The following SEMA3D variants were observed in gnomAD, a reference collection of about 807,000 sequenced individuals.
SEMA3D encodes the protein semaphorin 3D.
A neutral mutation model predicts 100.1 loss-of-function variants in SEMA3D; 84 were observed. The ratio of observed to expected loss-of-function variants is 0.84; its 90% CI spans 0.70 to 1.01. SEMA3D has a LOEUF of 1.01. SEMA3D is among the 50% of genes least tolerant of loss of function. SEMA3D has a pLI of 0.00. For synonymous variants in SEMA3D, 312 were observed against 320.7 expected, an observed-to-expected ratio of 0.97 and a Z score of 0.29; for missense variants, 875 against 934.1, an observed-to-expected ratio of 0.94 and a Z score of 0.82.
At chr7:85,082,826 T>A (rs1788104115) in intron 4 of SEMA3D, among the ~76,000 whole-genome samples, 1 of 152,192 alleles carries the variant, frequency 6.6e-6, no homozygotes, top group Non-Finnish European at 1.5e-5. Flanking sequence ...TTAGAGAAGA[T>A]CTTAACATTC....
At chr7:85,205,869 G>A in the SEMA3D span, among the ~76,000 whole-genome samples, 1 of 152,010 alleles carries the variant, frequency 6.6e-6, no homozygotes, top group African/African-American at 2.4e-5. Flanking sequence ...ACTGTCTCAG[G>A]CTTGTCTCAG....
At chr7:85,041,996 T>C in intron 10 of SEMA3D, 175 bp downstream of exon 10, 1 of 595,610 alleles carries the variant, frequency 1.7e-6, no homozygotes, top group Non-Finnish European at 3.0e-6. Flanking sequence ...TTATGACGTG[T>C]GCCCAGACCT....
At chr7:85,142,152 T>C in intron 2 of SEMA3D, 1 of 984,930 alleles carries the variant, frequency 1.0e-6, no homozygotes. Flanking sequence ...TCAACATTGC[T>C]GAAAAGGACA....
chr7:85,057,593 G>A (rs540171524), intron 8 of SEMA3D, among the ~76,000 whole-genome samples: 27 of 152,106 alleles, frequency 1.8e-4, no homozygotes, highest in Non-Finnish European at 3.4e-4. Flanking sequence ...TACAGCAATT[G>A]GCCAATATCC....
At chr7:85,048,114 C>T (rs1791060445) in intron 9 of SEMA3D, among the ~76,000 whole-genome samples, 1 of 151,780 alleles carries the variant, frequency 6.6e-6, no homozygotes, top group Non-Finnish European at 1.5e-5. Context: ...TTTCTGTTGG[C>T]CATTTTTACA....
the SEMA3D span, among the ~76,000 whole-genome samples, chr7:85,242,039 A>G: frequency 6.8e-6 from 1 of 147,172 alleles, no homozygotes; most frequent in African/African-American, 2.5e-5. Flanking sequence ...GAGCTACCAT[A>G]AAAAAAAAAG....
intron 3 of SEMA3D, among the ~76,000 whole-genome samples, chr7:85,114,486 G>A (rs1347069925): frequency 6.6e-6 from 1 of 152,084 alleles, no homozygotes; most frequent in Non-Finnish European, 1.5e-5. Context: ...CTTAACAAAG[G>A]TGACTACTCT....
At chr7:85,076,941 A>C (rs1371201848) in intron 5 of SEMA3D, among the ~76,000 whole-genome samples, 1 of 152,058 alleles carries the variant, frequency 6.6e-6, no homozygotes, top group Non-Finnish European at 1.5e-5. Context: ...AAATACAAAA[A>C]TACAAAGAAA....
At chr7:85,194,159 T>A in the SEMA3D span, among the ~76,000 whole-genome samples, 30 of 152,146 alleles carry the variant, frequency 2.0e-4, no homozygotes, top group Non-Finnish European at 1.5e-5. Flanking sequence ...ACAAAGATAG[T>A]TTTATTTCTT....
intron 7 of SEMA3D, 125 bp from the exon 8 acceptor site, chr7:85,065,677 A>C: frequency 1.4e-6 from 1 of 705,660 alleles, no homozygotes; most frequent in Non-Finnish European, 2.2e-6. Flanking sequence ...GTATTGTTTC[A>C]TAAATTTCAC....
Position 85,097,952 on chromosome 7 carries a change from T to G in SEMA3D, c.165A>C (p.Ser55=), listed in dbSNP as rs145698584. The G allele has an allele frequency of 6.4e-7, 1 of 1,562,946 alleles. No individual in the cohort carries two copies. The highest frequency in any genetic ancestry group is 8.7e-7 in the Non-Finnish European group (1 of 1,152,750). ...LKLTYKDLLL[S]NSCIPFLGSS... is the part of the protein sequence containing the mutation. ...AACCCAAAAAGGGAATACAGCTATT[T>G]GAAAGCAGCAAGTCTATGGAAAGCA... Residue 55 remains serine, a synonymous_variant, in exon 4 of 19, where the codon TCA becomes TCC. Coordinates refer to ENST00000284136, the MANE Select transcript of SEMA3D (RefSeq NM_001384900.1).
intron 3 of SEMA3D, among the ~76,000 whole-genome samples, chr7:85,099,802 C>T (rs1788687410): frequency 6.6e-6 from 1 of 151,910 alleles, no homozygotes; most frequent in African/African-American, 2.4e-5. Context: ...TTTTCATACG[C>T]TTATTTGCCA....
chr7:85,046,885 T>C (rs1025445984), intron 9 of SEMA3D, among the ~76,000 whole-genome samples: 1 of 152,018 alleles, frequency 6.6e-6, no homozygotes, highest in African/African-American at 2.4e-5. Flanking sequence ...ACGAACACAA[T>C]AGATTTATCA....
intron 2 of SEMA3D, among the ~76,000 whole-genome samples, chr7:85,149,568 T>A (rs1277045929): frequency 6.6e-6 from 1 of 152,186 alleles, no homozygotes; most frequent in Non-Finnish European, 1.5e-5. Context: ...ACATCAAATT[T>A]TCAGTCACAG....
intron 1 of SEMA3D, among the ~76,000 whole-genome samples, chr7:85,179,468 A>T (rs916156235): frequency 4.6e-5 from 7 of 152,108 alleles, no homozygotes; most frequent in Admixed American, 1.3e-4. Flanking sequence ...AGGTTTAATG[A>T]CTACTTTATT....
the SEMA3D span, among the ~76,000 whole-genome samples, chr7:85,194,595 C>T: frequency 6.6e-6 from 1 of 152,038 alleles, no homozygotes; most frequent in Non-Finnish European, 1.5e-5. Context: ...CAGGGTTCTA[C>T]AGTTTTTTGC....
At chr7:85,150,071 T>G (rs780921825) in intron 2 of SEMA3D, among the ~76,000 whole-genome samples, 17 of 152,044 alleles carry the variant, frequency 1.1e-4, no homozygotes, top group Admixed American at 1.1e-3. Flanking sequence ...TTTGAGAAGT[T>G]GTACGGTGCC....
chr7:85,210,821 C>A, the SEMA3D span, among the ~76,000 whole-genome samples: 3 of 151,960 alleles, frequency 2.0e-5, no homozygotes, highest in Non-Finnish European at 4.4e-5. Context: ...AAGTAATATA[C>A]AATATTCAGG....
At chr7:85,041,338 G>A (rs1790858416) in intron 10 of SEMA3D, 1 of 152,022 alleles carries the variant, frequency 6.6e-6, no homozygotes, top group Non-Finnish European at 1.5e-5. Flanking sequence ...TGGGATTTCA[G>A]GTGTGAGCCA....
Sources: allele counts gnomAD v4.1 joint callset (sites outside exome capture counted in the v4.1 genomes callset), GRCh38; gene constraint gnomAD v4.1.1; transcripts MANE v1.5; gene names NCBI Gene and HGNC (gene_info 2026-07-23, HGNC 2026-07-21).